The following CD28 variants were observed in gnomAD, a reference collection of about 807,000 sequenced individuals.
CD28 encodes the protein T-cell-specific surface glycoprotein CD28.
A neutral mutation model predicts 21.4 loss-of-function variants in CD28; 8 were observed. That is an observed-to-expected ratio of 0.37 (90% CI 0.22 to 0.68). The LOEUF (loss-of-function observed/expected upper bound fraction) is 0.68, where lower values mean the gene tolerates loss of function less well. Ranked by LOEUF, CD28 falls within the 30% of genes least tolerant of loss-of-function variation. The pLI, the probability that CD28 is intolerant of heterozygous loss-of-function variation, is 0.55. For synonymous variants in CD28, 106 were observed against 104.0 expected (o/e 1.02, Z -0.12); for missense variants, 239 against 272.2 (o/e 0.88, Z 0.86).
In CD28 at chr2:203,735,039, T is replaced by G. The variant is rs1267473542; in HGVS notation, c.*127T>G. 1 of 1,115,586 alleles carries G rather than the reference T, an allele frequency of 9.0e-7. No homozygotes were observed. The highest frequency in any genetic ancestry group is 1.6e-5 in the African/African-American group (1 of 63,740). 69.1% of individuals were successfully genotyped at this position (1,115,586 alleles called of 1,614,324 possible). Reference sequence around the variant, plus strand: ...GCCCCTGTTGGGCCACCAATGCCAATTTTTCTCGAGTGACTAGACCAAATA... The same window carrying G: ...GCCCCTGTTGGGCCACCAATGCCAAGTTTTCTCGAGTGACTAGACCAAATA... On this transcript the variant is annotated 3_prime_UTR_variant, in exon 4 of 4. Coordinates refer to ENST00000324106, the MANE Select transcript of CD28 (RefSeq NM_006139.4).
chr2:203,715,350 T>C (rs1229071532), intron 1 of CD28, among the ~76,000 whole-genome samples: 2 of 152,160 alleles, frequency 1.3e-5, no homozygotes, highest in African/African-American at 4.8e-5. Context: ...GTCTGGTGGC[T>C]CTTGGTATGG....
intron 1 of CD28, among the ~76,000 whole-genome samples, chr2:203,711,291 CT>C (rs1209768758): frequency 6.6e-6 from 1 of 152,184 alleles, no homozygotes; most frequent in Non-Finnish European, 1.5e-5. Context: ...ACTCCAAACA[CT>C]AGAAGAGAAG....
intron 2 of CD28, among the ~76,000 whole-genome samples, 171 bp from the exon 3 acceptor site, chr2:203,729,477 A>G (rs1238016443): frequency 2.0e-5 from 3 of 152,182 alleles, no homozygotes; most frequent in East Asian, 1.9e-4. Flanking sequence ...TGACCAGATC[A>G]TGGTCAGTGG....
intron 1 of CD28, among the ~76,000 whole-genome samples, chr2:203,717,164 T>A (rs1271751236): frequency 6.6e-6 from 1 of 152,196 alleles, no homozygotes; most frequent in African/African-American, 2.4e-5. Flanking sequence ...AATTTATTAA[T>A]CAGGATTCTA....
At chr2:203,729,603 A>T in intron 2 of CD28, 45 bp from the exon 3 acceptor site, 1 of 1,584,646 alleles carries the variant, frequency 6.3e-7, no homozygotes, top group Non-Finnish European at 8.6e-7. Context: ...AATGCACTCA[A>T]TTGCTATTCC....
At chr2:203,713,852 GGA>G (rs57737764) in intron 1 of CD28, among the ~76,000 whole-genome samples, 105 of 141,752 alleles carry the variant, frequency 7.4e-4, no homozygotes, top group East Asian at 3.5e-3. Context: ...AGAGAGAGAG[GGA>G]GAGAGAGAGA....
In CD28 at chr2:203,738,862, A is replaced by G. The variant is rs1474142942; in HGVS notation, c.*3950A>G. ...TTGCTTTGTTTCTTGCTGTATCTCC[A>G]GTGCCCAGAGCAGTGCCTGGTATAT... On this transcript the variant is annotated 3_prime_UTR_variant, in exon 4 of 4. Transcript: ENST00000324106. 6.6e-6 allele frequency: 1 copy of G among 152,158 alleles called. No individual in the cohort carries two copies. Among genetic ancestry groups the G allele is most frequent in the African/African-American group, 2.4e-5 (1 of 41,416 alleles). 9.4% of individuals were successfully genotyped at this position (152,158 alleles called of 1,614,324 possible).
chr2:203,731,870 C>G (rs1693903472), intron 3 of CD28, among the ~76,000 whole-genome samples: 1 of 152,124 alleles, frequency 6.6e-6, no homozygotes, highest in Admixed American at 6.5e-5. Context: ...TTGGGCAGTC[C>G]TGTCATTTGT....
In CD28 at chr2:203,735,781, C is replaced by G. The variant is rs201699365; in HGVS notation, c.*869C>G. ...TTGTAATCCCAGCACTTTGGGAGGC[C>G]GAGGTGGGCAGATCACTTGAGATCA... is the stretch of plus-strand genomic sequence containing the variant. On this transcript the variant is annotated 3_prime_UTR_variant, in exon 4 of 4. Coordinates refer to ENST00000324106, the MANE Select transcript of CD28 (RefSeq NM_006139.4). The G allele has an allele frequency of 1.8e-4, 28 of 152,232 alleles. No homozygotes were observed. Among genetic ancestry groups the G allele is most frequent in the African/African-American group, 6.7e-4 (28 of 41,520 alleles). 9.4% of individuals were successfully genotyped at this position (152,232 alleles called of 1,614,324 possible). A position where few individuals can be genotyped will look rare whatever the true frequency, so the allele number is the denominator to read the frequency against.
intron 1 of CD28, among the ~76,000 whole-genome samples, chr2:203,712,051 G>A (rs1270924175): frequency 2.0e-5 from 3 of 152,064 alleles, no homozygotes; most frequent in African/African-American, 7.2e-5. Context: ...AATTAGCCAG[G>A]CGTGGTGGTA....
intron 2 of CD28, among the ~76,000 whole-genome samples, chr2:203,728,643 G>T (rs1693811890): frequency 6.6e-6 from 1 of 152,222 alleles, no homozygotes; most frequent in South Asian, 2.1e-4. Flanking sequence ...GTCCTATTTA[G>T]ATTTCTAATA....
At chr2:203,721,587 C>CAGA (rs1405015401) in intron 1 of CD28, among the ~76,000 whole-genome samples, 2 of 152,046 alleles carry the variant, frequency 1.3e-5, no homozygotes, top group Non-Finnish European at 2.9e-5. Context: ...CACAAAGACA[C>CAGA]GTCTTAGCCA....
At chr2:203,718,312 C>T (rs1053912171) in intron 1 of CD28, among the ~76,000 whole-genome samples, 4 of 152,086 alleles carry the variant, frequency 2.6e-5, no homozygotes, top group Admixed American at 2.0e-4. Flanking sequence ...CAGATGGTCA[C>T]GTGTTGAAGG....
At chr2:203,724,376 A>G (rs892667682) in intron 1 of CD28, among the ~76,000 whole-genome samples, 5 of 152,226 alleles carry the variant, frequency 3.3e-5, no homozygotes, top group Admixed American at 3.3e-4. Context: ...AGCAAACTTT[A>G]TAGTACCTGA....
intron 1 of CD28, among the ~76,000 whole-genome samples, chr2:203,725,642 C>G (rs1442175526): frequency 6.6e-6 from 1 of 152,114 alleles, no homozygotes; most frequent in Non-Finnish European, 1.5e-5. Context: ...ATTCTTTGAT[C>G]TTTTATTGGG....
At chr2:203,728,908 A>C (rs1212114781) in intron 2 of CD28, among the ~76,000 whole-genome samples, 2 of 152,220 alleles carry the variant, frequency 1.3e-5, no homozygotes, top group East Asian at 3.8e-4. Flanking sequence ...GTTTTAAAAG[A>C]AATACCAATG....
intron 2 of CD28, among the ~76,000 whole-genome samples, chr2:203,729,201 C>T (rs1297670554): frequency 6.6e-6 from 1 of 152,166 alleles, no homozygotes; most frequent in Non-Finnish European, 1.5e-5. Flanking sequence ...AATTTATCCT[C>T]TGATTAGCAG....
intron 3 of CD28, among the ~76,000 whole-genome samples, chr2:203,731,436 A>G (rs1266055563): frequency 6.6e-6 from 1 of 152,144 alleles, no homozygotes; most frequent in Non-Finnish European, 1.5e-5. Context: ...GGGAATCTCA[A>G]CTTTCTAACT....
chr2:203,734,874 T>C lies in CD28; in HGVS notation c.625T>C (p.Tyr209His), dbSNP rs371850110. ...GCCCACCCGCAAGCATTACCAGCCC[T>C]ATGCCCCACCACGCGACTTCGCAGC... ...PGPTRKHYQP[Y>H]APPRDFAAYR... Residue 209 changes from tyrosine (Y) to histidine (H), a missense_variant, in exon 4 of 4, where the codon TAT becomes CAT. Tyr to His is a moderately conservative substitution (Grantham distance 83, BLOSUM62 2). This residue lies in a region of CD28 where 112 missense variants were observed against 112.8 expected (regional missense o/e 0.99). Transcript: ENST00000324106. The C allele has an allele frequency of 1.9e-6, 3 of 1,614,098 alleles. No individual in the cohort carries two copies. Among genetic ancestry groups the C allele is most frequent in the Non-Finnish European group, 2.5e-6 (3 of 1,180,048 alleles).
Sources: allele counts gnomAD v4.1 joint callset (sites outside exome capture counted in the v4.1 genomes callset), GRCh38; gene constraint gnomAD v4.1.1; regional missense constraint gnomAD v4.1.1; transcripts MANE v1.5; gene names NCBI Gene and HGNC (gene_info 2026-07-23, HGNC 2026-07-21).